The following ANKRD13C variants were observed in gnomAD, a reference collection of about 807,000 sequenced individuals.
ANKRD13C encodes ankyrin repeat domain-containing protein 13C.
Under a neutral mutation model 65.5 loss-of-function variants are expected in ANKRD13C, and 16 were observed. That is an observed-to-expected ratio of 0.24 (90% confidence interval 0.17 to 0.37). The LOEUF is 0.37. Among genes scored for constraint, ANKRD13C ranks in the 10% least tolerant of loss-of-function variants. The probability of loss-of-function intolerance (pLI) is 1.00; values close to 1 mark genes in which losing one functional copy is unlikely to be tolerated. For missense variants in ANKRD13C, 503 were observed against 655.9 expected (o/e 0.77, Z 2.55); for synonymous variants, 235 against 238.7 (o/e 0.98, Z 0.14).
chr1:70,295,822 G>A (rs939632708), intron 8 of ANKRD13C, among the ~76,000 whole-genome samples: 1 of 152,140 alleles, frequency 6.6e-6, no homozygotes, highest in Non-Finnish European at 1.5e-5. Context: ...TCTTCTTATC[G>A]AATAAAGCAC....
intron 3 of ANKRD13C, among the ~76,000 whole-genome samples, chr1:70,320,086 G>A (rs2101507245): frequency 6.6e-6 from 1 of 152,198 alleles, no homozygotes; most frequent in South Asian, 2.1e-4. Flanking sequence ...ACAAAAAGAG[G>A]GGGATATATA....
chr1:70,338,446 G>C (rs1682156432), intron 1 of ANKRD13C, among the ~76,000 whole-genome samples: 1 of 152,180 alleles, frequency 6.6e-6, no homozygotes, highest in Non-Finnish European at 1.5e-5. Context: ...CTGTTGTCCA[G>C]GCTGGAGTGC....
intron 7 of ANKRD13C, among the ~76,000 whole-genome samples, chr1:70,298,521 A>C (rs1043632202): frequency 1.3e-5 from 2 of 152,152 alleles, no homozygotes; most frequent in African/African-American, 4.8e-5. Flanking sequence ...ATACTAGTAC[A>C]TACATACCTT....
intron 3 of ANKRD13C, among the ~76,000 whole-genome samples, chr1:70,323,459 A>G (rs770619043): frequency 9.2e-5 from 14 of 151,922 alleles, no homozygotes; most frequent in Non-Finnish European, 2.1e-4. Flanking sequence ...CCTGACCAAC[A>G]TGGTGAAACC....
At chr1:70,350,596 T>A (rs1682704976) in intron 1 of ANKRD13C, among the ~76,000 whole-genome samples, 1 of 152,214 alleles carries the variant, frequency 6.6e-6, no homozygotes, top group Non-Finnish European at 1.5e-5. Flanking sequence ...AGAATCTCTT[T>A]ACAAGACTCT....
intron 5 of ANKRD13C, among the ~76,000 whole-genome samples, chr1:70,312,415 C>A (rs1234084934): frequency 6.7e-6 from 1 of 149,990 alleles, no homozygotes; most frequent in South Asian, 2.1e-4. Flanking sequence ...AATCCCACTA[C>A]AAATTGCCTG....
intron 11 of ANKRD13C, among the ~76,000 whole-genome samples, chr1:70,272,084 T>C (rs1678906394): frequency 6.6e-6 from 1 of 152,186 alleles, no homozygotes; most frequent in Non-Finnish European, 1.5e-5. Flanking sequence ...TTTTACTGTC[T>C]TATATTCTCA....
At chr1:70,309,715 CAAAAAA>C (rs1165416550) in intron 5 of ANKRD13C, among the ~76,000 whole-genome samples, 10 of 138,840 alleles carry the variant, frequency 7.2e-5, no homozygotes, top group Non-Finnish European at 1.2e-4. Flanking sequence ...GACTCCGTCG[CAAAAAA>C]AAAAAAAAAA....
intron 8 of ANKRD13C, 63 bp from the exon 9 acceptor site, chr1:70,292,612 T>A (rs1348362492): frequency 8.1e-7 from 1 of 1,235,512 alleles, no homozygotes; most frequent in Admixed American, 2.7e-5. Context: ...CAAGGTAATA[T>A]ATTTTTCCAT....
intron 1 of ANKRD13C, among the ~76,000 whole-genome samples, chr1:70,336,459 CCA>C (rs1553251512): frequency 2.0e-5 from 3 of 151,898 alleles, no homozygotes; most frequent in African/African-American, 7.3e-5. Context: ...AGACTGAATC[CCA>C]GTTTTCAAGT....
chr1:70,295,779 G>C lies in ANKRD13C; in HGVS notation c.1053+351C>G, dbSNP rs563595099. 2.0e-5 allele frequency among the ~76,000 whole-genome samples: 3 copies of C among 152,292 alleles called. No individual in the cohort carries two copies. In the Middle Eastern group the frequency reaches 0.01, roughly 518 times the overall value. On this transcript the variant is annotated intron_variant, in intron 8 of 12. Coordinates refer to ENST00000370944, the MANE Select transcript of ANKRD13C (RefSeq NM_030816.5). ...TAAAGTAGGGAGACAAACAGGTTCA[G>C]GGAAATAGAGTCAAGTTTATCCCTT...
At chr1:70,308,510 C>T (rs1452889798) in intron 5 of ANKRD13C, among the ~76,000 whole-genome samples, 4 of 151,520 alleles carry the variant, frequency 2.6e-5, no homozygotes, top group Non-Finnish European at 5.9e-5. Context: ...GAGGCCGAGG[C>T]GGGCAGATCA....
intron 7 of ANKRD13C, among the ~76,000 whole-genome samples, chr1:70,296,953 A>G (rs1680104358): frequency 6.6e-6 from 1 of 152,154 alleles, no homozygotes; most frequent in South Asian, 2.1e-4. Context: ...ATAATAATTG[A>G]GCAATAATTA....
intron 9 of ANKRD13C, among the ~76,000 whole-genome samples, chr1:70,280,106 G>A (rs183481160): frequency 1.2e-3 from 183 of 152,276 alleles, no homozygotes; most frequent in African/African-American, 4.1e-3. Flanking sequence ...AAAGGAAACA[G>A]AGTTTTTTAG....
At chr1:70,343,892 G>A (rs1682417205) in intron 1 of ANKRD13C, among the ~76,000 whole-genome samples, 1 of 152,200 alleles carries the variant, frequency 6.6e-6, no homozygotes, top group Admixed American at 6.6e-5. Context: ...GCTGCAGCCT[G>A]TATTCCCAGC....
intron 6 of ANKRD13C, among the ~76,000 whole-genome samples, chr1:70,302,323 G>C (rs1315832910): frequency 1.3e-5 from 2 of 151,576 alleles, no homozygotes; most frequent in African/African-American, 4.8e-5. Flanking sequence ...GGGGCGGGGG[G>C]CTGCCTGTTG....
In ANKRD13C at chr1:70,336,034, TAAAAA is replaced by T; in HGVS notation, c.472+19_472+23del. 1.3e-6 allele frequency: 1 copy of T among 771,046 alleles called. No individual in the cohort carries two copies. Among genetic ancestry groups the T allele is most frequent in the African/African-American group, 1.9e-5 (1 of 53,944 alleles). 47.8% of individuals were successfully genotyped at this position (771,046 alleles called of 1,614,324 possible). ...GACTATATATAAATGAAGTTAAACA[TAAAAA>T]AAGAAAATATTTACTAACCTTTATT... On this transcript the variant is annotated intron_variant, in intron 2 of 12. Coordinates refer to ENST00000370944, the MANE Select transcript of ANKRD13C (RefSeq NM_030816.5).
In ANKRD13C at chr1:70,276,671, C is replaced by A. The variant is rs937754600; in HGVS notation, c.1295+94G>T. 7.8e-5 allele frequency: 80 copies of A among 1,031,326 alleles called. No individual in the cohort carries two copies. The African/African-American group carries it at 1.1e-3, about 14-fold the overall frequency. 63.9% of individuals were successfully genotyped at this position (1,031,326 alleles called of 1,614,324 possible). On this transcript the variant is annotated intron_variant, in intron 10 of 12. Transcript: ENST00000370944. ...GTCAAAAATATACCAATAATTCTCT[C>A]CAAAATAATTTACGCCAAAATATTC...
At chr1:70,299,789 CAT>C (rs1680248251) in intron 7 of ANKRD13C, among the ~76,000 whole-genome samples, 1 of 152,186 alleles carries the variant, frequency 6.6e-6, no homozygotes, top group South Asian at 2.1e-4. Context: ...GGGAGACACA[CAT>C]GATATCCATT....
Sources: gnomAD v4.1 joint callset for allele counts (sites outside exome capture counted in the v4.1 genomes callset) on GRCh38, gnomAD v4.1.1 for gene constraint, MANE v1.5 for transcripts, NCBI Gene and HGNC (gene_info 2026-07-23, HGNC 2026-07-21) for gene names.